The following SUMF1 variants were observed in gnomAD, a reference collection of about 807,000 sequenced individuals.
SUMF1 encodes sulfatase modifying factor 1.
A neutral mutation model predicts 47.6 loss-of-function variants in SUMF1; 48 were observed. The ratio of observed to expected loss-of-function variants is 1.01; its 90% CI spans 0.80 to 1.28. SUMF1 has a LOEUF of 1.28. Ranked by LOEUF, SUMF1 falls within the 50% of genes most tolerant of loss-of-function variation. The probability of loss-of-function intolerance (pLI) is 0.00; values close to 1 mark genes in which losing one functional copy is unlikely to be tolerated. For synonymous variants in SUMF1, 230 were observed against 192.1 expected (o/e 1.20, Z -1.63); for missense variants, 571 against 485.4 (o/e 1.18, Z -1.66).
In SUMF1 at chr3:4,089,822, T is replaced by C. The variant is rs187216825; in HGVS notation, c.1015-21077A>G. 2.2e-3 allele frequency among the ~76,000 whole-genome samples: 331 copies of C among 152,290 alleles called. 7 individuals are homozygous for C. Among genetic ancestry groups the C allele is most frequent in the African/African-American group, 7.8e-3 (322 of 41,544 alleles). The stretch of plus-strand genomic sequence containing the variant: ...TGTAGTGTCTTCTTTAAGATACTCA[T>C]CACATTTCATCTCATGCTGGTCCTT... On this transcript the variant is annotated intron_variant and NMD_transcript_variant, in intron 8 of 12. Coordinates refer to the SUMF1 transcript ENST00000448413.
chr3:4,404,313 C>A (rs1701306504), intron 7 of SUMF1, among the ~76,000 whole-genome samples: 2 of 152,170 alleles, frequency 1.3e-5, no homozygotes, highest in Non-Finnish European at 2.9e-5. Context: ...CCTTGCTTTC[C>A]CCTTGGCACT....
intron 8 of SUMF1, among the ~76,000 whole-genome samples, chr3:4,114,753 T>G (rs979422434): frequency 4.6e-5 from 7 of 152,140 alleles, no homozygotes; most frequent in Non-Finnish European, 8.8e-5. Flanking sequence ...AAGAAATCAT[T>G]AAACATAATT....
chr3:4,408,302 T>G (rs771645343), intron 7 of SUMF1, among the ~76,000 whole-genome samples: 1 of 152,196 alleles, frequency 6.6e-6, no homozygotes, highest in African/African-American at 2.4e-5. Flanking sequence ...ATATCAAGCA[T>G]TGATGAGAAG....
chr3:4,252,911 G>C (rs879051530), intron 8 of SUMF1, among the ~76,000 whole-genome samples: 1 of 152,038 alleles, frequency 6.6e-6, no homozygotes, highest in African/African-American at 2.4e-5. Flanking sequence ...TGGTGTATTC[G>C]TATCTAAAAT....
At chr3:4,271,479 A>C (rs1559637537) in intron 8 of SUMF1, among the ~76,000 whole-genome samples, 3 of 133,442 alleles carry the variant, frequency 2.2e-5, no homozygotes, top group African/African-American at 6.5e-5. Context: ...AGATAGATAG[A>C]TAGATAGATA....
At position 4,385,011 on chromosome 3, in the gene SUMF1, G is replaced by A. The variant is rs567401161; in HGVS notation, c.955-8622C>T. Among the ~76,000 whole-genome samples, 237 of 151,678 alleles carry A rather than the reference G, an allele frequency of 1.6e-3. 1 individual carries two copies. The highest frequency in any genetic ancestry group is 2.1e-3 in the Non-Finnish European group (142 of 67,912). ...AGCGATTCTCCTGCCTCAGCCACCC[G>A]AGTAGCTGGGATTACAGGCACGCAC... is the stretch of plus-strand genomic sequence containing the variant. On this transcript the variant is annotated intron_variant, in intron 7 of 8. Coordinates refer to ENST00000272902, the MANE Select transcript of SUMF1 (RefSeq NM_182760.4).
intron 7 of SUMF1, among the ~76,000 whole-genome samples, chr3:4,403,912 G>C (rs961195623): frequency 1.3e-5 from 2 of 152,188 alleles, no homozygotes; most frequent in Non-Finnish European, 2.9e-5. Context: ...ACATTTTGGT[G>C]TTCTGCTCTC....
intron 8 of SUMF1, among the ~76,000 whole-genome samples, chr3:4,161,612 A>G (rs1217751699): frequency 6.6e-6 from 1 of 151,698 alleles, no homozygotes; most frequent in Non-Finnish European, 1.5e-5. Flanking sequence ...CTGCCAGACT[A>G]CCACCAATGT....
intron 9 of SUMF1, among the ~76,000 whole-genome samples, chr3:4,059,918 A>G (rs76707136): frequency 0.012 from 1,754 of 152,238 alleles, 31 homozygotes; most frequent in African/African-American, 0.04. Flanking sequence ...GGGACTGTAT[A>G]TGCAAAGGTC....
At chr3:4,215,751 C>A (rs1695909118) in intron 8 of SUMF1, among the ~76,000 whole-genome samples, 1 of 152,032 alleles carries the variant, frequency 6.6e-6, no homozygotes, top group African/African-American at 2.4e-5. Flanking sequence ...ACACCAATAA[C>A]AGACAGAGAG....
intron 9 of SUMF1, among the ~76,000 whole-genome samples, chr3:4,055,663 T>TG (rs1695180845): frequency 1.3e-5 from 2 of 152,172 alleles, no homozygotes; most frequent in Non-Finnish European, 1.5e-5. Context: ...TTACATTTTT[T>TG]GTAGAGATGG....
chr3:4,272,667 C>G (rs1377932602), intron 8 of SUMF1, among the ~76,000 whole-genome samples: 1 of 152,168 alleles, frequency 6.6e-6, no homozygotes, highest in African/African-American at 2.4e-5. Context: ...TTAAAAAACA[C>G]AGTGGCAAAA....
chr3:4,283,907 A>C (rs763306476), intron 8 of SUMF1, among the ~76,000 whole-genome samples: 1 of 152,076 alleles, frequency 6.6e-6, no homozygotes, highest in Admixed American at 6.6e-5. Flanking sequence ...GAGGTATGGG[A>C]TCTCTCAGGG....
At chr3:4,288,740 T>C (rs1575055346) in intron 8 of SUMF1, among the ~76,000 whole-genome samples, 1 of 151,528 alleles carries the variant, frequency 6.6e-6, no homozygotes, top group Admixed American at 6.6e-5. Context: ...GAGGTGGAGG[T>C]TGCAGTGAGC....
At position 4,308,238 on chromosome 3, in the gene SUMF1, A is replaced by G. The variant is rs115071992; in HGVS notation, c.1014+68092T>C. On this transcript the variant is annotated intron_variant and NMD_transcript_variant, in intron 8 of 12. Coordinates refer to the SUMF1 transcript ENST00000448413. ...TCCTAGACACAATTTTGGTTTGAAT[A>G]TGTTTGAACCTGGAAAGTTTAACTC... Among the ~76,000 whole-genome samples, 382 of 152,326 alleles carry G rather than the reference A, an allele frequency of 2.5e-3. 1 individual carries two copies. The highest frequency in any genetic ancestry group is 4.7e-3 in the Non-Finnish European group (318 of 68,026).
Position 4,361,798 on chromosome 3 carries a change from G to C in SUMF1, c.*346C>G, listed in dbSNP as rs1699766311. 9.5e-6 allele frequency: 3 copies of C among 317,038 alleles called. No homozygotes were observed. Among genetic ancestry groups the C allele is most frequent in the Non-Finnish European group, 1.8e-5 (3 of 164,650 alleles). The allele number at this position is 317,038 out of a possible 1,614,324, so 19.6% of individuals were successfully genotyped here. On this transcript the variant is annotated 3_prime_UTR_variant, in exon 9 of 9. Transcript: ENST00000272902. ...GATAGGGGAGGGCACTTGAGGCCCA[G>C]GAAGGTCAAGCGTCGGACCTGGGGT...
chr3:4,038,473 A>G (rs1694844359), intron 9 of SUMF1, among the ~76,000 whole-genome samples: 1 of 152,114 alleles, frequency 6.6e-6, no homozygotes, highest in African/African-American at 2.4e-5. Flanking sequence ...GCAGTAGCAG[A>G]GTGGCTTTCA....
At chr3:4,174,144 C>A (rs1427516160) in intron 8 of SUMF1, among the ~76,000 whole-genome samples, 1 of 151,958 alleles carries the variant, frequency 6.6e-6, no homozygotes, top group Non-Finnish European at 1.5e-5. Flanking sequence ...ATCATGAGGT[C>A]AGGAGATCGA....
At chr3:4,456,472 G>C (rs1379503264) in intron 1 of SUMF1, among the ~76,000 whole-genome samples, 1 of 129,278 alleles carries the variant, frequency 7.7e-6, no homozygotes, top group Non-Finnish European at 1.7e-5. Flanking sequence ...TTTTTTTTGA[G>C]ACGGAGTCTT....
Sources: allele counts gnomAD v4.1 joint callset (sites outside exome capture counted in the v4.1 genomes callset), GRCh38; gene constraint gnomAD v4.1.1; transcripts MANE v1.5; gene names NCBI Gene and HGNC (gene_info 2026-07-23, HGNC 2026-07-21).